The following FGFR4 variants were observed in gnomAD, a reference collection of about 807,000 sequenced individuals.
FGFR4 encodes the protein hydroxyaryl-protein kinase.
A neutral mutation model predicts 89.9 loss-of-function variants in FGFR4; 63 were observed. That is an observed-to-expected ratio of 0.70 (90% CI 0.57 to 0.86). The LOEUF is 0.86. FGFR4 is among the 40% of genes least tolerant of loss of function. FGFR4 has a pLI of 0.00. For missense variants in FGFR4, 928 were observed against 1,106.7 expected, an observed-to-expected ratio of 0.84 and a Z score of 2.29; for synonymous variants, 486 against 479.4, an observed-to-expected ratio of 1.01 and a Z score of -0.18.
At chr5:177,092,222 A>C in intron 6 of FGFR4, 99 bp from the exon 7 acceptor site, 2 of 1,248,670 alleles carry the variant, frequency 1.6e-6, no homozygotes, top group Non-Finnish European at 2.2e-6. Flanking sequence ...AAGCTGCAGA[A>C]AGGTCCCTCC....
Position 177,097,417 on chromosome 5 carries a change from C to T in FGFR4, c.2259+20C>T, listed in dbSNP as rs376387576. The T allele has an allele frequency of 7.7e-5, 124 of 1,607,776 alleles. No individual in the cohort carries two copies. Among genetic ancestry groups the T allele is most frequent in the Non-Finnish European group, 1.0e-4 (118 of 1,176,488 alleles). ...GAGGAGGTACAGCCCCTCCCACCCA[C>T]CACCTCCCTCTGCCTGCTCCCCTCC... is the stretch of plus-strand genomic sequence containing the variant. On this transcript the variant is annotated intron_variant, in intron 17 of 17. Coordinates refer to ENST00000292408, the MANE Select transcript of FGFR4 (RefSeq NM_213647.3).
At chr5:177,089,863 A>C (rs1368882670) in intron 2 of FGFR4, 170 bp downstream of exon 2, 3 of 868,868 alleles carry the variant, frequency 3.5e-6, no homozygotes, top group East Asian at 2.6e-5. Flanking sequence ...TCCAGCAAGC[A>C]TTCATCTATC....
At position 177,097,383 on chromosome 5, in the gene FGFR4, G is replaced by T. The variant is rs890887063; in HGVS notation, c.2245G>T (p.Ala749Ser). 2.5e-6 allele frequency: 4 copies of T among 1,611,592 alleles called. No individual in the cohort carries two copies. The highest frequency in any genetic ancestry group is 3.4e-6 in the Non-Finnish European group (4 of 1,179,156). The change falls in exon 17 of 18, where the codon GCC becomes TCC. Residue 749 changes from alanine (A) to serine (S), a missense_variant. Physicochemically the swap from Ala to Ser is moderately conservative, Grantham distance 99. This residue lies in a region of FGFR4 where 129 missense variants were observed against 150.8 expected (regional missense o/e 0.86). Coordinates refer to ENST00000292408, the MANE Select transcript of FGFR4 (RefSeq NM_213647.3). ...LVEALDKVLL[A>S]VSEEYLDLRL... ...GGAGGCGCTGGACAAGGTCCTGCTG[G>T]CCGTCTCTGAGGAGGTACAGCCCCT...
rs1582012850 is a variant in FGFR4 at position 177,093,035 on chromosome 5, C to T, written c.1058-103C>T. 6.8e-7 allele frequency: 1 copy of T among 1,473,484 alleles called. No individual in the cohort carries two copies. The highest frequency in any genetic ancestry group is 1.8e-5 in the Admixed American group (1 of 56,764). 91.3% of individuals were successfully genotyped at this position (1,473,484 alleles called of 1,614,324 possible). ...CTACAGCTTCCTCCGTGTGTGTCCC[C>T]ACATATGTTGGGAGCTGGGAGGGAC... On this transcript the variant is annotated intron_variant, in intron 8 of 17. Coordinates refer to ENST00000292408, the MANE Select transcript of FGFR4 (RefSeq NM_213647.3). The surrounding 1 kb of genome is among the most constrained non-coding windows in gnomAD (Gnocchi z 5.8).
chr5:177,094,984 GA>G (rs1784497042), intron 11 of FGFR4: 1 of 283,304 alleles, frequency 3.5e-6, no homozygotes, highest in Non-Finnish European at 7.0e-6. Flanking sequence ...GACTACCGCT[GA>G]CCCCTCCAGC....
rs200449539 is a variant in FGFR4, at chr5:177,096,045, C to A, written c.1822-12C>A. 6.2e-7 allele frequency: 1 copy of A among 1,611,580 alleles called. No homozygotes were observed. Among genetic ancestry groups the A allele is most frequent in the Admixed American group, 1.7e-5 (1 of 59,842 alleles). ...AGGTGTCCTGAGGCACCCAAGCCCC[C>A]GCTCCCTGCAGTGTATCCACCGGGA... On this transcript the variant is annotated splice_polypyrimidine_tract_variant and intron_variant, in intron 13 of 17. Transcript: ENST00000292408.
rs1467308461 is a variant in FGFR4 at position 177,090,607 on chromosome 5, A to G, written c.309A>G (p.Ala103=). The part of the protein sequence containing the change: ...PEDAGRYLCL[A]RGSMIVLQNL... The stretch of plus-strand genomic sequence containing the variant: ...ATGCTGGCCGCTACCTCTGCCTGGC[A>G]CGAGGCTCCATGATCGTCCTGCAGA... Residue 103 remains alanine, a synonymous_variant, in exon 3 of 18, where the codon GCA becomes GCG. Transcript: ENST00000292408. 2 of 1,522,816 alleles carry G rather than the reference A, an allele frequency of 1.3e-6. No homozygotes were observed. Among genetic ancestry groups the G allele is most frequent in the Non-Finnish European group, 1.8e-6 (2 of 1,137,156 alleles). The allele number at this position is 1,522,816 out of a possible 1,614,324, so 94.3% of individuals were successfully genotyped here. A position where few individuals can be genotyped will look rare whatever the true frequency, so the allele number is the denominator to read the frequency against.
chr5:177,096,774 C>T, intron 16 of FGFR4, 33 bp downstream of exon 16: 1 of 1,554,800 alleles, frequency 6.4e-7, no homozygotes, highest in South Asian at 1.2e-5. Context: ...ACCCCACTTT[C>T]CAGTCCTCCT....
intron 16 of FGFR4, 113 bp downstream of exon 16, chr5:177,096,854 GTC>G: frequency 1.8e-6 from 2 of 1,081,852 alleles, no homozygotes; most frequent in African/African-American, 4.3e-5. Context: ...ACAACTCCTC[GTC>G]CTCCTCCTCC....
At chr5:177,089,916 C>T (rs1450345981) in intron 2 of FGFR4, 2 of 728,080 alleles carry the variant, frequency 2.7e-6, no homozygotes, top group Non-Finnish European at 4.9e-6. Flanking sequence ...GGCGCAGGGC[C>T]CTAAGCTGGG....
chr5:177,093,165 C>T lies in FGFR4; in HGVS notation c.1085C>T (p.Ala362Val), dbSNP rs911440999. ...GAGGACCCCACATGGACCGCAGCAGCGCCCGAGGCCAGGTATACGGACATC... is the reference window on the plus strand; with the variant it reads ...GAGGACCCCACATGGACCGCAGCAGTGCCCGAGGCCAGGTATACGGACATC... ...PEEDPTWTAA[A>V]PEARYTDIIL... Residue 362 changes from alanine (A) to valine (V), a missense_variant, in exon 9 of 18, where the codon GCG becomes GTG. By Grantham distance (64) the Ala-to-Val change is moderately conservative (BLOSUM62 0). Around this residue, in one of 5 missense-constraint regions of FGFR4, gnomAD observed 741 missense variants for 836.9 expected, o/e 0.89. Transcript: ENST00000292408. The surrounding 1 kb of genome is among the most constrained non-coding windows in gnomAD (Gnocchi z 5.8). 13 of 1,613,924 alleles carry T rather than the reference C, an allele frequency of 8.1e-6. No homozygotes were observed. The highest frequency in any genetic ancestry group is 1.3e-5 in the African/African-American group (1 of 74,922).
At chr5:177,090,332 C>T in intron 2 of FGFR4, 58 bp from the exon 3 acceptor site, 1 of 1,598,598 alleles carries the variant, frequency 6.3e-7, no homozygotes, top group Non-Finnish European at 8.5e-7. Flanking sequence ...TCTTTGTACA[C>T]AGGAGGCTGC....
At position 177,096,192 on chromosome 5, in the gene FGFR4, G is replaced by A. The variant is rs1232173702; in HGVS notation, c.1944+13G>A. 6.2e-7 allele frequency: 1 copy of A among 1,613,838 alleles called. No homozygotes were observed. On this transcript the variant is annotated intron_variant, in intron 14 of 17. Coordinates refer to ENST00000292408, the MANE Select transcript of FGFR4 (RefSeq NM_213647.3). ...GAAAACCAGCAACGTGAGGGAGATG[G>A]GGCAGAACTGGATGGGGGTGGAGGG...
intron 14 of FGFR4, 23 bp from the exon 15 acceptor site, chr5:177,096,264 C>T (rs761815463): frequency 6.2e-7 from 1 of 1,613,982 alleles, no homozygotes; most frequent in South Asian, 1.1e-5. Context: ...GGACTCTGCA[C>T]TGAGGCCCTC....
At position 177,087,084 on chromosome 5, in the gene FGFR4, C is replaced by G. The variant is rs1035528667; in HGVS notation, c.-54+7C>G. ...GGAGTCACGCAGGCTCGAGGTGAGC[C>G]GGAACCCTTGTGGGCCCGGGCTGCG... On this transcript the variant is annotated splice_region_variant and intron_variant, in intron 1 of 17. Coordinates refer to ENST00000292408, the MANE Select transcript of FGFR4 (RefSeq NM_213647.3). This position sits in a 1 kb window ranked among gnomAD's most constrained non-coding sequence, Gnocchi z 6.1. 6.6e-6 allele frequency: 1 copy of G among 151,798 alleles called. No individual in the cohort carries two copies. Among genetic ancestry groups the G allele is most frequent in the Non-Finnish European group, 1.5e-5 (1 of 68,070 alleles). 9.4% of individuals were successfully genotyped at this position (151,798 alleles called of 1,614,324 possible).
Position 177,097,752 on chromosome 5 carries a change from C to G in FGFR4, c.*76C>G. Reference sequence around the variant, plus strand: ...GGCTCAGCCACAGCCTGACACAGTGCTCGACCTTGATAGCATGGGGCCCCT... The same window carrying G: ...GGCTCAGCCACAGCCTGACACAGTGGTCGACCTTGATAGCATGGGGCCCCT... On this transcript the variant is annotated 3_prime_UTR_variant, in exon 18 of 18. Coordinates refer to ENST00000292408, the MANE Select transcript of FGFR4 (RefSeq NM_213647.3). 3.9e-6 allele frequency: 6 copies of G among 1,540,398 alleles called. No individual in the cohort carries two copies. The highest frequency in any genetic ancestry group is 5.2e-6 in the Non-Finnish European group (6 of 1,143,184).
In FGFR4 at chr5:177,093,828, G is replaced by T. The variant is rs1390412381; in HGVS notation, c.1519+53G>T. 6.4e-7 allele frequency: 1 copy of T among 1,568,904 alleles called. No homozygotes were observed. Among genetic ancestry groups the T allele is most frequent in the Non-Finnish European group, 8.7e-7 (1 of 1,150,570 alleles). On this transcript the variant is annotated intron_variant, in intron 11 of 17. Coordinates refer to ENST00000292408, the MANE Select transcript of FGFR4 (RefSeq NM_213647.3). The surrounding 1 kb of genome is among the most constrained non-coding windows in gnomAD (Gnocchi z 5.8). ...CACCTGTAACGCCAGCACTTTAGGA[G>T]GCTGAGGGTGGGAGGATCGCTTGAA...
rs1784672227 is a variant in FGFR4, at chr5:177,097,997, C to T, written c.*321C>T. 1.0e-5 allele frequency: 3 copies of T among 301,278 alleles called. No individual in the cohort carries two copies. Among genetic ancestry groups the T allele is most frequent in the Non-Finnish European group, 1.8e-5 (3 of 162,586 alleles). The allele number at this position is 301,278 out of a possible 1,614,324, so 18.7% of individuals were successfully genotyped here. A position where few individuals can be genotyped will look rare whatever the true frequency, so the allele number is the denominator to read the frequency against. Reference sequence around the variant, plus strand: ...GGTTCTGGGCCTCTGAACCCCCTTTCCCCACACCTCCCCCTGCTGCTGCTG... The same window carrying T: ...GGTTCTGGGCCTCTGAACCCCCTTTTCCCACACCTCCCCCTGCTGCTGCTG... On this transcript the variant is annotated 3_prime_UTR_variant, in exon 18 of 18. Transcript: ENST00000292408.
chr5:177,089,892 G>C (rs547158647), intron 2 of FGFR4, 199 bp downstream of exon 2: 2 of 797,442 alleles, frequency 2.5e-6, no homozygotes, highest in Non-Finnish European at 4.2e-6. Context: ...TGCGAGAGAG[G>C]ACTGGCCTTG....
Sources: allele counts gnomAD v4.1 joint callset, GRCh38; gene constraint gnomAD v4.1.1; regional missense constraint gnomAD v4.1.1; non-coding constraint Gnocchi (gnomAD v3.1); transcripts MANE v1.5; gene names NCBI Gene and HGNC (gene_info 2026-07-23, HGNC 2026-07-21).